LAMC3: variants seen among roughly 807,000 people sequenced by gnomAD.
The protein encoded by LAMC3 is laminin subunit gamma 3.
Under a neutral mutation model 173.8 loss-of-function variants are expected in LAMC3, and 128 were observed. The ratio of observed to expected loss-of-function variants is 0.74; its 90% CI spans 0.64 to 0.85. The LOEUF is 0.85. Among genes scored for constraint, LAMC3 ranks in the 40% least tolerant of loss-of-function variants. The pLI, the probability that LAMC3 is intolerant of heterozygous loss-of-function variation, is 0.00. For missense variants in LAMC3, 2,022 were observed against 2,156.0 expected (o/e 0.94, Z 1.23); for synonymous variants, 897 against 909.1 (o/e 0.99, Z 0.24).
At chr9:131,057,824 A>G (rs929586089) in intron 12 of LAMC3, among the ~76,000 whole-genome samples, 2 of 152,210 alleles carry the variant, frequency 1.3e-5, no homozygotes, top group Non-Finnish European at 2.9e-5. Flanking sequence ...GCCTTAGGGA[A>G]GCGCAGATAA....
At chr9:131,051,982 C>G (rs1042204081) in intron 9 of LAMC3, among the ~76,000 whole-genome samples, 14 of 152,186 alleles carry the variant, frequency 9.2e-5, no homozygotes, top group Admixed American at 6.5e-5. Context: ...TTTCCGAGTT[C>G]AGGGCAAGTT....
At chr9:131,018,998 C>T (rs1446776217) in intron 1 of LAMC3, among the ~76,000 whole-genome samples, 1 of 152,240 alleles carries the variant, frequency 6.6e-6, no homozygotes, top group Non-Finnish European at 1.5e-5. Flanking sequence ...CACGGTGGCT[C>T]ACGCCTCTAA....
Position 131,092,253 on chromosome 9 carries a change from T to G in LAMC3, c.*466T>G, listed in dbSNP as rs1830439838. On this transcript the variant is annotated 3_prime_UTR_variant, in exon 28 of 28. Transcript: ENST00000361069. Reference sequence around the variant, plus strand: ...GGGTGCTACATCCACTCACTCCAGATAGCAGGGAGGTCTCAGCAGATCTGC... The same window carrying G: ...GGGTGCTACATCCACTCACTCCAGAGAGCAGGGAGGTCTCAGCAGATCTGC... 8.6e-6 allele frequency: 2 copies of G among 231,342 alleles called. No individual in the cohort carries two copies. Among genetic ancestry groups the G allele is most frequent in the African/African-American group, 2.2e-5 (1 of 44,648 alleles). 14.3% of individuals were successfully genotyped at this position (231,342 alleles called of 1,614,324 possible).
chr9:131,071,419 G>T lies in LAMC3; in HGVS notation c.3070-65G>T. On this transcript the variant is annotated intron_variant, in intron 17 of 27. Coordinates refer to ENST00000361069, the MANE Select transcript of LAMC3 (RefSeq NM_006059.4). ...GGAGAGTGGCAGGGTAGAAGCCAGCGGGAGTGTCTGGGCAGGACCTCCATG... is the reference window on the plus strand; with the variant it reads ...GGAGAGTGGCAGGGTAGAAGCCAGCTGGAGTGTCTGGGCAGGACCTCCATG... 3.2e-6 allele frequency: 5 copies of T among 1,582,646 alleles called. No homozygotes were observed. The South Asian group carries it at 5.6e-5, about 18-fold the overall frequency.
intron 3 of LAMC3, among the ~76,000 whole-genome samples, chr9:131,035,898 C>A (rs968033068): frequency 1.2e-4 from 18 of 152,210 alleles, no homozygotes; most frequent in African/African-American, 3.9e-4. Flanking sequence ...TGGCTTTGGG[C>A]AGCTTCTCTG....
chr9:131,079,372 T>C, intron 23 of LAMC3, 74 bp downstream of exon 23: 1 of 1,577,404 alleles, frequency 6.3e-7, no homozygotes, highest in Non-Finnish European at 8.7e-7. Flanking sequence ...AGGGTCAGGG[T>C]TGCAGGAGGG....
intron 9 of LAMC3, 106 bp downstream of exon 9, chr9:131,049,236 T>C (rs1289108416): frequency 2.6e-6 from 2 of 755,172 alleles, no homozygotes; most frequent in Non-Finnish European, 4.7e-6. Context: ...TTTATTCTCT[T>C]AGAGTTCTGG....
intron 20 of LAMC3, among the ~76,000 whole-genome samples, chr9:131,073,759 C>T (rs565979816): frequency 1.9e-4 from 29 of 152,044 alleles, no homozygotes; most frequent in Non-Finnish European, 2.9e-5. Context: ...CAAAAACAAA[C>T]CCCTGGACCC....
chr9:131,073,030 CGAG>C (rs1830063750), intron 19 of LAMC3, among the ~76,000 whole-genome samples, 195 bp downstream of exon 19: 1 of 152,130 alleles, frequency 6.6e-6, no homozygotes, highest in South Asian at 2.1e-4. Flanking sequence ...AGGCATGTTC[CGAG>C]GAGACTGAAT....
chr9:131,058,661 A>C (rs1025338841), intron 12 of LAMC3, among the ~76,000 whole-genome samples: 10 of 151,986 alleles, frequency 6.6e-5, no homozygotes, highest in African/African-American at 2.2e-4. Flanking sequence ...TGGGAGGCTG[A>C]GGTGGGCGGA....
chr9:131,055,339 T>C (rs1470108328), intron 11 of LAMC3, among the ~76,000 whole-genome samples: 1 of 152,118 alleles, frequency 6.6e-6, no homozygotes, highest in Non-Finnish European at 1.5e-5. Context: ...AAGGTTGATC[T>C]GCCAGGATCC....
At chr9:131,062,625 T>A (rs903356123) in intron 13 of LAMC3, among the ~76,000 whole-genome samples, 1 of 152,114 alleles carries the variant, frequency 6.6e-6, no homozygotes, top group South Asian at 2.1e-4. Flanking sequence ...TCTCAGCACT[T>A]TGCGAGGCTG....
intron 8 of LAMC3, among the ~76,000 whole-genome samples, chr9:131,046,651 G>C (rs564265103): frequency 6.7e-6 from 1 of 150,006 alleles, no homozygotes; most frequent in Non-Finnish European, 1.5e-5. Flanking sequence ...GAGTGTCCGC[G>C]CCCAGCTGTT....
intron 1 of LAMC3, among the ~76,000 whole-genome samples, chr9:131,022,170 C>T (rs191589414): frequency 3.3e-5 from 5 of 149,788 alleles, no homozygotes; most frequent in Admixed American, 6.7e-5. Context: ...AATGAAAGAC[C>T]GTAAGGAGGG....
chr9:131,038,047 G>A (rs3780275), intron 4 of LAMC3, among the ~76,000 whole-genome samples: 113,333 of 152,172 alleles, frequency 0.74, 42,346 homozygotes, highest in East Asian at 0.8. Flanking sequence ...CCACGCGTCT[G>A]TCTCTGCATG....
At chr9:131,072,280 T>C (rs1323072265) in intron 18 of LAMC3, among the ~76,000 whole-genome samples, 1 of 152,132 alleles carries the variant, frequency 6.6e-6, no homozygotes, top group Non-Finnish European at 1.5e-5. Flanking sequence ...ACTGTGGAAA[T>C]AGGGGCTATC....
At chr9:131,064,193 C>A (rs1829881944) in intron 13 of LAMC3, among the ~76,000 whole-genome samples, 2 of 152,112 alleles carry the variant, frequency 1.3e-5, no homozygotes, top group South Asian at 4.2e-4. Flanking sequence ...TAGGCATGAA[C>A]CACCACGCCC....
rs1398988555 is a variant in LAMC3 at position 131,071,561 on chromosome 9, A to C, written c.3147A>C (p.Pro1049=). 6.2e-7 allele frequency: 1 copy of C among 1,612,508 alleles called. No individual in the cohort carries two copies. Among genetic ancestry groups the C allele is most frequent in the South Asian group, 1.1e-5 (1 of 90,832 alleles). ...CCGACTGTGGCAGTCCCTGGGGACC[A>C]CTAGACATTCTGCTGGGAGAGGCCC... ...QGSDCGSPWG[P]LDILLGEAPR... The change falls in exon 18 of 28, where the codon CCA becomes CCC. Residue 1049 remains proline, a synonymous_variant. Coordinates refer to ENST00000361069, the MANE Select transcript of LAMC3 (RefSeq NM_006059.4).
In LAMC3 at chr9:131,057,267, C is replaced by CA. The variant is rs1239677184; in HGVS notation, c.2158+121dup. On this transcript the variant is annotated intron_variant, in intron 12 of 27. Transcript: ENST00000361069. ...TTGAGGTGTTGGCCAAGCTGTGGGG[C>CA]AGTGCGGGCACTGAGCTTTCCCGTG... 3.4e-4 allele frequency: 279 copies of CA among 824,330 alleles called. 1 individual carries two copies. The highest frequency in any genetic ancestry group is 4.7e-5 in the Non-Finnish European group (23 of 491,458). 51.1% of individuals were successfully genotyped at this position (824,330 alleles called of 1,614,324 possible).
Sources: allele counts gnomAD v4.1 joint callset (sites outside exome capture counted in the v4.1 genomes callset), GRCh38; gene constraint gnomAD v4.1.1; transcripts MANE v1.5; gene names NCBI Gene and HGNC (gene_info 2026-07-23, HGNC 2026-07-21).